HNRNPLL: variants seen among roughly 807,000 people sequenced by gnomAD.
HNRNPLL encodes heterogeneous nuclear ribonucleoprotein L-like.
A neutral mutation model predicts 67.1 loss-of-function variants in HNRNPLL; 25 were observed. That is an observed-to-expected ratio of 0.37 (90% CI 0.27 to 0.52). The LOEUF (loss-of-function observed/expected upper bound fraction) is 0.52. Ranked by LOEUF, HNRNPLL falls within the 20% of genes least tolerant of loss-of-function variation. HNRNPLL has a pLI of 0.90. For missense variants in HNRNPLL, 542 were observed against 673.9 expected, an observed-to-expected ratio of 0.80 and a Z score of 2.17; for synonymous variants, 267 against 241.7, an observed-to-expected ratio of 1.10 and a Z score of -0.97.
intron 2 of HNRNPLL, 95 bp from the exon 3 acceptor site, chr2:38,585,976 G>C: frequency 2.5e-6 from 2 of 812,954 alleles, no homozygotes; most frequent in Middle Eastern, 2.3e-4. Flanking sequence ...TAATAAAAAT[G>C]TGTCAAATCC....
At chr2:38,586,460 CT>C (rs1666737954) in intron 2 of HNRNPLL, among the ~76,000 whole-genome samples, 1 of 152,160 alleles carries the variant, frequency 6.6e-6, no homozygotes, top group East Asian at 1.9e-4. Flanking sequence ...CCAGTTTATT[CT>C]TTGGGGTGCT....
rs70954733 is a variant in HNRNPLL at position 38,588,546 on chromosome 2, C to CAAA, written c.309-2668_309-2666dup. On this transcript the variant is annotated intron_variant, in intron 2 of 12. Coordinates refer to ENST00000449105, the MANE Select transcript of HNRNPLL (RefSeq NM_138394.4). ...TGGGTGACAGAGTGAAACTCCATCT[C>CAAA]AAAAAAAAAAAAAAAAAAAAAGGGT... Among the ~76,000 whole-genome samples the CAAA allele has an allele frequency of 2.8e-3, 141 of 50,930 alleles. 4 individuals carry two copies. Among genetic ancestry groups the CAAA allele is most frequent in the African/African-American group, 5.8e-3 (105 of 18,160 alleles). The allele number at this position is 50,930 out of a possible 152,430, so 33.4% of individuals were successfully genotyped here. A position where few individuals can be genotyped will look rare whatever the true frequency, so the allele number is the denominator to read the frequency against.
At chr2:38,595,272 T>TAAAAAAAAAAAAAAA (rs70954734) in intron 1 of HNRNPLL, among the ~76,000 whole-genome samples, 2 of 68,770 alleles carry the variant, frequency 2.9e-5, no homozygotes, top group Non-Finnish European at 5.9e-5. Flanking sequence ...AGACCTTGTC[T>TAAAAAAAAAAAAAAA]AAAAAAAAAA....
At position 38,602,158 on chromosome 2, in the gene HNRNPLL, C is replaced by G. The variant is rs1667465668; in HGVS notation, c.189+280G>C. 8.6e-6 allele frequency: 4 copies of G among 467,444 alleles called. No individual in the cohort carries two copies. In the East Asian group the frequency reaches 1.7e-4, roughly 20 times the overall value. 29.0% of individuals were successfully genotyped at this position (467,444 alleles called of 1,614,324 possible). The stretch of plus-strand genomic sequence containing the variant: ...GAAACCCCCCAGAGCGGAAGCGACG[C>G]CTCCCCGCCGCCGCCGCCGCGCCGC... On this transcript the variant is annotated intron_variant, in intron 1 of 12. Coordinates refer to ENST00000449105, the MANE Select transcript of HNRNPLL (RefSeq NM_138394.4).
chr2:38,569,417 G>A lies in HNRNPLL; in HGVS notation c.1215-83C>T, dbSNP rs1665986207. The A allele has an allele frequency of 1.9e-5, 19 of 998,318 alleles. 1 individual carries two copies. The Admixed American group carries it at 4.2e-4, about 22-fold the overall frequency. The allele number at this position is 998,318 out of a possible 1,614,324, so 61.8% of individuals were successfully genotyped here. A position where few individuals can be genotyped will look rare whatever the true frequency, so the allele number is the denominator to read the frequency against. On this transcript the variant is annotated intron_variant, in intron 9 of 12. Coordinates refer to ENST00000449105, the MANE Select transcript of HNRNPLL (RefSeq NM_138394.4). ...TAGTCTCAGAATGCTAATATATTTT[G>A]CTTGCATAAATCTTAACCAAAAAAA...
chr2:38,573,318 A>G lies in HNRNPLL; in HGVS notation c.984T>C (p.His328=), dbSNP rs753445030. 5 of 1,611,506 alleles carry G rather than the reference A, an allele frequency of 3.1e-6. No individual in the cohort carries two copies. Among genetic ancestry groups the G allele is most frequent in the Non-Finnish European group, 4.2e-6 (5 of 1,178,266 alleles). The change falls in exon 8 of 13, where the codon CAT becomes CAC. Residue 328 remains histidine (H), a synonymous_variant. Coordinates refer to ENST00000449105, the MANE Select transcript of HNRNPLL (RefSeq NM_138394.4). The part of the protein sequence containing the change: ...PLPQASSSYM[H]GGNPSGSVVM... ...CAACTGAACCAGAGGGATTTCCTCC[A>G]TGCATGTAAGAGGAAGAAGCCTGTG...
chr2:38,579,171 G>GA (rs1666421685), intron 6 of HNRNPLL, among the ~76,000 whole-genome samples: 1 of 152,108 alleles, frequency 6.6e-6, no homozygotes, highest in African/African-American at 2.4e-5. Context: ...ACTGGGTTGG[G>GA]AATCAGACGA....
intron 12 of HNRNPLL, chr2:38,565,962 T>C (rs914921866): frequency 4.6e-6 from 4 of 864,612 alleles, no homozygotes; most frequent in Non-Finnish European, 4.2e-6. Flanking sequence ...CCATAAATCA[T>C]TCATTGTTTT....
At chr2:38,590,827 C>T (rs1481865907) in intron 2 of HNRNPLL, among the ~76,000 whole-genome samples, 1 of 151,862 alleles carries the variant, frequency 6.6e-6, no homozygotes, top group African/African-American at 2.4e-5. Flanking sequence ...GTTAAGAGAC[C>T]CCTCATCTCT....
At chr2:38,573,613 T>C in intron 7 of HNRNPLL, among the ~76,000 whole-genome samples, 186 bp from the exon 8 acceptor site, 1 of 151,936 alleles carries the variant, frequency 6.6e-6, no homozygotes, top group East Asian at 1.9e-4. Flanking sequence ...AAAATCTGTA[T>C]TCATTTGCAC....
intron 1 of HNRNPLL, chr2:38,599,863 C>T (rs1667352711): frequency 2.1e-6 from 1 of 470,122 alleles, no homozygotes; most frequent in Non-Finnish European, 4.4e-6. Flanking sequence ...AAACTTCCAA[C>T]TAGAGTTGAA....
At chr2:38,600,080 GT>G in intron 1 of HNRNPLL, 1 of 240,460 alleles carries the variant, frequency 4.2e-6, no homozygotes, top group Non-Finnish European at 9.0e-6. Flanking sequence ...TTATGTACAG[GT>G]TTCCATAGTT....
intron 12 of HNRNPLL, among the ~76,000 whole-genome samples, chr2:38,565,727 CAAAAAAAA>C (rs200356084): frequency 0.27 from 19,624 of 72,970 alleles, 1,965 homozygotes; most frequent in East Asian, 0.49. Flanking sequence ...GACCCTGTCT[CAAAAAAAA>C]AAAAAAAAAA....
At chr2:38,575,147 T>A (rs1200900108) in intron 7 of HNRNPLL, among the ~76,000 whole-genome samples, 1 of 151,816 alleles carries the variant, frequency 6.6e-6, no homozygotes, top group Non-Finnish European at 1.5e-5. Flanking sequence ...TCCACAAGAA[T>A]AACTGATGTT....
chr2:38,564,484 G>T (rs1665774207), intron 12 of HNRNPLL, among the ~76,000 whole-genome samples: 1 of 151,816 alleles, frequency 6.6e-6, no homozygotes, highest in Non-Finnish European at 1.5e-5. Flanking sequence ...GCTGGGTGTG[G>T]TGGTGCACGC....
At chr2:38,597,808 C>T (rs1667264658) in intron 1 of HNRNPLL, among the ~76,000 whole-genome samples, 1 of 152,046 alleles carries the variant, frequency 6.6e-6, no homozygotes, top group Non-Finnish European at 1.5e-5. Context: ...CTGCCTCAGC[C>T]TCCGGAGTAG....
intron 7 of HNRNPLL, among the ~76,000 whole-genome samples, chr2:38,574,689 G>A (rs766278938): frequency 1.3e-5 from 2 of 151,606 alleles, no homozygotes; most frequent in African/African-American, 2.4e-5. Context: ...ACACAAACAC[G>A]GTGTGAATTT....
intron 10 of HNRNPLL, among the ~76,000 whole-genome samples, chr2:38,568,778 T>C (rs2148337535): frequency 6.6e-6 from 1 of 152,278 alleles, no homozygotes; most frequent in Non-Finnish European, 1.5e-5. Flanking sequence ...TTTCTTACAG[T>C]TCCTACTTAG....
intron 1 of HNRNPLL, among the ~76,000 whole-genome samples, chr2:38,593,009 C>T (rs1667024287): frequency 6.6e-6 from 1 of 152,104 alleles, no homozygotes; most frequent in African/African-American, 2.4e-5. Flanking sequence ...ATTTATGTCA[C>T]AACTGAAAGA....
Sources: gnomAD v4.1 joint callset for allele counts (sites outside exome capture counted in the v4.1 genomes callset) on GRCh38, gnomAD v4.1.1 for gene constraint, MANE v1.5 for transcripts, NCBI Gene and HGNC (gene_info 2026-07-23, HGNC 2026-07-21) for gene names.